RFLNA: variants seen among roughly 807,000 people sequenced by gnomAD.
The protein encoded by RFLNA is refilin A.
RFLNA carries 5 observed loss-of-function variants against 7.8 expected under a neutral mutation model. The ratio of observed to expected loss-of-function variants is 0.64; its 90% CI spans 0.34 to 1.35. The LOEUF (loss-of-function observed/expected upper bound fraction) is 1.35, where lower values mean the gene tolerates loss of function less well. Ranked by LOEUF, RFLNA falls within the 40% of genes most tolerant of loss-of-function variation. The pLI, the probability that RFLNA is intolerant of heterozygous loss-of-function variation, is 0.04. For synonymous variants in RFLNA, 141 were observed against 131.3 expected, an observed-to-expected ratio of 1.07 and a Z score of -0.50; for missense variants, 278 against 305.5, an observed-to-expected ratio of 0.91 and a Z score of 0.67.
intron 1 of RFLNA, among the ~76,000 whole-genome samples, chr12:124,309,912 C>A (rs1374608314): frequency 6.6e-6 from 1 of 152,146 alleles, no homozygotes; most frequent in Non-Finnish European, 1.5e-5. Context: ...CTCACGCCTG[C>A]AGTTCCAGCT....
chr12:124,305,020 TAG>T (rs1045214059), intron 1 of RFLNA, among the ~76,000 whole-genome samples: 6 of 152,326 alleles, frequency 3.9e-5, no homozygotes, highest in African/African-American at 1.4e-4. Flanking sequence ...TGGAATCATA[TAG>T]AGTCTTGCAG....
At chr12:124,290,985 G>A (rs754588833), upstream of RFLNA, among the ~76,000 whole-genome samples, 9 of 152,096 alleles carry the variant, frequency 5.9e-5, no homozygotes, top group Non-Finnish European at 8.8e-5. This position sits in a 1 kb window ranked among gnomAD's most constrained non-coding sequence, Gnocchi z 4.0. Context: ...GAAGGCGAGC[G>A]GCCTCCAATG....
At chr12:124,307,703 T>C (rs1276097713) in intron 1 of RFLNA, among the ~76,000 whole-genome samples, 1 of 152,158 alleles carries the variant, frequency 6.6e-6, no homozygotes, top group Non-Finnish European at 1.5e-5. Context: ...TTCGGGCTTG[T>C]CGACTTTTAG....
intron 1 of RFLNA, among the ~76,000 whole-genome samples, chr12:124,303,146 G>A (rs12579304): frequency 0.75 from 114,276 of 152,184 alleles, 45,506 homozygotes; most frequent in Non-Finnish European, 0.9. Flanking sequence ...CTGCCCAGCC[G>A]GGCCCAGACT....
At chr12:124,302,813 G>GGGGCAGAGGTCAGGGGCCGAGGTCAGA (rs2034064848) in intron 1 of RFLNA, among the ~76,000 whole-genome samples, 1 of 68,336 alleles carries the variant, frequency 1.5e-5, no homozygotes, top group Non-Finnish European at 3.5e-5. Context: ...GCTGAGGTCA[G>GGGGCAGAGGTCAGGGGCCGAGGTCAGA]GGGCCGAGGT....
rs370958661 is a variant in RFLNA at position 124,300,731 on chromosome 12, C to CATGG, written c.207+5134_207+5137dup. Reference sequence around the variant, plus strand: ...GGATGGGCAGAAGGGTGGATGGATGCATGGATGGATGGATGGATGGATGGA... The same window carrying CATGG: ...GGATGGGCAGAAGGGTGGATGGATGCATGGATGGATGGATGGATGGATGGATGGA... On this transcript the variant is annotated intron_variant, in intron 1 of 2. Coordinates refer to ENST00000546355, the MANE Select transcript of RFLNA (RefSeq NM_001365156.1). Among the ~76,000 whole-genome samples the CATGG allele has an allele frequency of 9.9e-4, 114 of 115,650 alleles. 1 individual carries two copies. The highest frequency in any genetic ancestry group is 2.4e-3 in the African/African-American group (69 of 28,242). 75.9% of individuals were successfully genotyped at this position (115,650 alleles called of 152,430 possible). A position where few individuals can be genotyped will look rare whatever the true frequency, so the allele number is the denominator to read the frequency against.
chr12:124,297,487 C>T (rs2033949473), intron 1 of RFLNA, among the ~76,000 whole-genome samples: 1 of 152,166 alleles, frequency 6.6e-6, no homozygotes, highest in South Asian at 2.1e-4. Context: ...TTAATTTTCA[C>T]TATATTCCCA....
At chr12:124,311,078 A>C (rs1009373025) in intron 1 of RFLNA, among the ~76,000 whole-genome samples, 7 of 150,862 alleles carry the variant, frequency 4.6e-5, no homozygotes, top group Admixed American at 4.6e-4. Context: ...CTGGTTTCCA[A>C]CCCCCCTACA....
At chr12:124,294,173 G>A (rs904160288), upstream of RFLNA, among the ~76,000 whole-genome samples, 7 of 152,180 alleles carry the variant, frequency 4.6e-5, no homozygotes, top group African/African-American at 1.4e-4. Context: ...TCTGACACCC[G>A]GCTTCCCGCC....
chr12:124,302,880 G>GGGCCGAGGTCAGGGGCCGAGGTCAGA (rs1219048043), intron 1 of RFLNA, among the ~76,000 whole-genome samples: 1 of 151,988 alleles, frequency 6.6e-6, no homozygotes. Context: ...CCGAGGTCAG[G>GGGCCGAGGTCAGGGGCCGAGGTCAGA]GGTAGCTGTT....
At position 124,315,454 on chromosome 12, in the gene RFLNA, TAA is replaced by T. The variant is rs370466705; in HGVS notation, c.*931_*932del. On this transcript the variant is annotated 3_prime_UTR_variant, in exon 3 of 3. Transcript: ENST00000546355. ...GGGAGTCGGAGCTCAGCTGTCGGTT[TAA>T]AGAGACACTGAGGGGACCGGGCTGC... is the stretch of plus-strand genomic sequence containing the variant. 1.0e-3 allele frequency: 154 copies of T among 152,376 alleles called. 4 individuals carry two copies. The South Asian group carries it at 0.023, about 23-fold the overall frequency. The allele number at this position is 152,376 out of a possible 1,614,324, so 9.4% of individuals were successfully genotyped here. A position where few individuals can be genotyped will look rare whatever the true frequency, so the allele number is the denominator to read the frequency against.
At chr12:124,294,697 T>G (rs2033873849), upstream of RFLNA, among the ~76,000 whole-genome samples, 1 of 152,242 alleles carries the variant, frequency 6.6e-6, no homozygotes, top group Non-Finnish European at 1.5e-5. Flanking sequence ...GTACTAGGGC[T>G]GTGGTGGCCC....
chr12:124,302,135 A>C (rs1046677124), intron 1 of RFLNA, among the ~76,000 whole-genome samples: 2 of 152,122 alleles, frequency 1.3e-5, no homozygotes, highest in Non-Finnish European at 2.9e-5. Context: ...GTCCACCCTA[A>C]TCTAATCTGA....
At chr12:124,296,471 G>T (rs1007114717) in intron 1 of RFLNA, among the ~76,000 whole-genome samples, 3 of 152,152 alleles carry the variant, frequency 2.0e-5, no homozygotes, top group African/African-American at 7.2e-5. Flanking sequence ...AAGTTGAAAT[G>T]AGTGATTGCC....
upstream of RFLNA, among the ~76,000 whole-genome samples, chr12:124,290,456 GTATT>G (rs2033805035): frequency 6.6e-6 from 1 of 152,046 alleles, no homozygotes. The surrounding 1 kb of genome is among the most constrained non-coding windows in gnomAD (Gnocchi z 4.0). Flanking sequence ...GTGTATATAT[GTATT>G]TGTGTTATGT....
At chr12:124,298,206 C>T (rs1309848489) in intron 1 of RFLNA, among the ~76,000 whole-genome samples, 1 of 152,206 alleles carries the variant, frequency 6.6e-6, no homozygotes, top group Non-Finnish European at 1.5e-5. Context: ...AAATCTAAGC[C>T]ACTGAGGTCC....
At position 124,289,574 on chromosome 12, in the gene RFLNA, G is replaced by A. The variant is rs974778785; in HGVS notation, c.-37+204G>A. Among the ~76,000 whole-genome samples the A allele has an allele frequency of 2.0e-5, 3 of 152,172 alleles. No homozygotes were observed. Among genetic ancestry groups the A allele is most frequent in the African/African-American group, 7.2e-5 (3 of 41,446 alleles). ...GGCACTTTGAATTCATTTTGTCCCC[G>A]CTTCCCTGTCTTAGTAGGGCAGGTG... On this transcript the variant is annotated intron_variant, in intron 1 of 2. Coordinates refer to the RFLNA transcript ENST00000324038. The surrounding 1 kb of genome is among the most constrained non-coding windows in gnomAD (Gnocchi z 5.0).
chr12:124,315,729 G>C lies in RFLNA; in HGVS notation c.*1204G>C, dbSNP rs1654442463. ...CAGCACTGTGGCAGGGTGCTGGGGA[G>C]ATGCCCCTCTGAGCCTTCCTCCCCC... On this transcript the variant is annotated 3_prime_UTR_variant, in exon 3 of 3. Transcript: ENST00000546355. 1 of 152,266 alleles carries C rather than the reference G, an allele frequency of 6.6e-6. No homozygotes were observed. The highest frequency in any genetic ancestry group is 1.5e-5 in the Non-Finnish European group (1 of 68,110). The allele number at this position is 152,266 out of a possible 1,614,324, so 9.4% of individuals were successfully genotyped here.
intron 1 of RFLNA, among the ~76,000 whole-genome samples, chr12:124,300,916 GTGGA>G (rs57838924): frequency 4.2e-4 from 61 of 145,124 alleles, no homozygotes; most frequent in Middle Eastern, 3.8e-3. Context: ...GGGCAGAAGG[GTGGA>G]TGGATGGATG....
Sources: gnomAD v4.1 joint callset for allele counts (sites outside exome capture counted in the v4.1 genomes callset) on GRCh38, gnomAD v4.1.1 for gene constraint, Gnocchi (gnomAD v3.1) non-coding constraint, MANE v1.5 for transcripts, NCBI Gene and HGNC (gene_info 2026-07-23, HGNC 2026-07-21) for gene names.